The following PRKD1 variants were observed in gnomAD, a reference collection of about 807,000 sequenced individuals.
PRKD1 encodes the protein serine/threonine-protein kinase D1.
In PRKD1, 63 loss-of-function variants were observed where a neutral mutation model predicts 95.9. The ratio of observed to expected loss-of-function variants is 0.66; its 90% confidence interval spans 0.54 to 0.81. The LOEUF is 0.81. Among genes scored for constraint, PRKD1 ranks in the 30% least tolerant of loss-of-function variants. PRKD1 has a pLI of 0.00. For synonymous variants in PRKD1, 425 were observed against 423.1 expected (o/e 1.00, Z -0.05); for missense variants, 1,048 against 1,165.3 (o/e 0.90, Z 1.47).
chr14:29,621,314 C>T (rs938218640), intron 13 of PRKD1, among the ~76,000 whole-genome samples: 1 of 151,816 alleles, frequency 6.6e-6, no homozygotes, highest in African/African-American at 2.4e-5. Context: ...GCACATTATG[C>T]ACGTGTACCC....
At position 29,599,065 on chromosome 14, in the gene PRKD1, C is replaced by T. The variant is rs1187042305; in HGVS notation, c.2128G>A (p.Glu710Lys). The T allele has an allele frequency of 1.2e-6, 2 of 1,613,842 alleles. No homozygotes were observed. The highest frequency in any genetic ancestry group is 1.7e-6 in the Non-Finnish European group (2 of 1,179,804). ...TCAGCTGAGGCTAGCAACACATTTT[C>T]TGGTTTGAGGTCACAGTGAACGATA... ...KNIVHCDLKP[E>K]NVLLASADPF... The change falls in exon 15 of 18, where the codon GAA (glutamate) becomes AAA (lysine). Residue 710 changes from glutamate to lysine, a missense_variant. Around this residue, in one of 3 missense-constraint regions of PRKD1, gnomAD observed 739 missense variants for 861.9 expected, o/e 0.86. Transcript: ENST00000331968.
At chr14:29,776,763 A>C (rs1028466574) in intron 1 of PRKD1, among the ~76,000 whole-genome samples, 1 of 152,192 alleles carries the variant, frequency 6.6e-6, no homozygotes, top group Non-Finnish European at 1.5e-5. Flanking sequence ...AGCAAGGCAC[A>C]CCAACATTCA....
At chr14:29,645,461 T>C (rs73255549) in intron 4 of PRKD1, among the ~76,000 whole-genome samples, 3,388 of 152,226 alleles carry the variant, frequency 0.022, 113 homozygotes, top group African/African-American at 0.072. Context: ...TATGCAAAAA[T>C]AGATGCAAGC....
chr14:29,885,804 T>TAAAAAAAAAAAAAAAAA (rs759317394), intron 1 of PRKD1, among the ~76,000 whole-genome samples: 1 of 53,484 alleles, frequency 1.9e-5, no homozygotes, highest in East Asian at 7.4e-4. Context: ...CCATCTTTAC[T>TAAAAAAAAAAAAAAAAA]AAAAAAAAAA....
Position 29,636,485 on chromosome 14 carries a change from C to T in PRKD1, c.995G>A (p.Ser332Asn), listed in dbSNP as rs1594383376. Reference sequence around the variant, plus strand: ...GACCACATCAGACTCTGCCCCAGGGCTAAGCAAATCTAGAAAATTATTTTC... The same window carrying T: ...GACCACATCAGACTCTGCCCCAGGGTTAAGCAAATCTAGAAAATTATTTTC... ...GEVTINGDLL[S>N]PGAESDVVME... The change falls in exon 7 of 18, where the codon AGC (serine) becomes AAC (asparagine). Residue 332 changes from serine to asparagine, a missense_variant. By Grantham distance (46) the Ser-to-Asn change is conservative. Transcript: ENST00000331968. 2 of 1,613,938 alleles carry T rather than the reference C, an allele frequency of 1.2e-6. No individual in the cohort carries two copies. Among genetic ancestry groups the T allele is most frequent in the Admixed American group, 3.3e-5 (2 of 59,992 alleles).
chr14:29,901,469 TG>T (rs1223262343), intron 1 of PRKD1, among the ~76,000 whole-genome samples: 15 of 152,176 alleles, frequency 9.9e-5, no homozygotes, highest in Admixed American at 3.9e-4. Flanking sequence ...AACCTGCACA[TG>T]TACTCCTTAA....
At chr14:29,912,254 C>G (rs1428635438) in intron 1 of PRKD1, among the ~76,000 whole-genome samples, 1 of 152,022 alleles carries the variant, frequency 6.6e-6, no homozygotes, top group Non-Finnish European at 1.5e-5. Flanking sequence ...AGGATGTAGA[C>G]ATCTTGGAGG....
At chr14:29,783,778 C>T (rs928820374) in intron 1 of PRKD1, among the ~76,000 whole-genome samples, 1 of 152,040 alleles carries the variant, frequency 6.6e-6, no homozygotes, top group Non-Finnish European at 1.5e-5. Context: ...GTTGGCCATT[C>T]GTATGTCTTC....
intron 2 of PRKD1, among the ~76,000 whole-genome samples, chr14:29,683,717 T>A (rs1238526648): frequency 6.6e-6 from 1 of 152,194 alleles, no homozygotes; most frequent in Non-Finnish European, 1.5e-5. Flanking sequence ...TAGTACAATG[T>A]AACATTATTA....
At chr14:29,834,668 T>C (rs1891543051) in intron 1 of PRKD1, among the ~76,000 whole-genome samples, 1 of 152,138 alleles carries the variant, frequency 6.6e-6, no homozygotes, top group African/African-American at 2.4e-5. Context: ...GTAAGAGATA[T>C]ACTAAAATGC....
intron 1 of PRKD1, among the ~76,000 whole-genome samples, chr14:29,800,720 T>C (rs974250245): frequency 6.6e-6 from 1 of 152,176 alleles, no homozygotes; most frequent in East Asian, 1.9e-4. Flanking sequence ...TTTTTTGAAA[T>C]GAGTATCTTC....
intron 1 of PRKD1, among the ~76,000 whole-genome samples, chr14:29,803,346 A>G (rs1011458021): frequency 6.6e-6 from 1 of 152,176 alleles, no homozygotes; most frequent in African/African-American, 2.4e-5. Flanking sequence ...GTAAACTATG[A>G]CCATTTTGGG....
At chr14:29,838,769 T>G (rs540545876) in intron 1 of PRKD1, among the ~76,000 whole-genome samples, 1 of 152,310 alleles carries the variant, frequency 6.6e-6, no homozygotes, top group Non-Finnish European at 1.5e-5. Flanking sequence ...TTTCAAAATT[T>G]TTGCACCAAA....
rs952125152 is a variant in PRKD1, at chr14:29,773,861, C to T, written c.265-48187G>A. ...TGGACCATTTGTTAATAAAAATAAG[C>T]GATTATGATCAGTAGTGAGTGTGAC... On this transcript the variant is annotated intron_variant, in intron 1 of 17. Transcript: ENST00000331968. 8.5e-5 allele frequency among the ~76,000 whole-genome samples: 13 copies of T among 152,262 alleles called. No homozygotes were observed. In the East Asian group the frequency reaches 1.4e-3, roughly 16 times the overall value.
chr14:29,772,401 C>T (rs1888550433), intron 1 of PRKD1, among the ~76,000 whole-genome samples: 1 of 152,188 alleles, frequency 6.6e-6, no homozygotes, highest in Non-Finnish European at 1.5e-5. Context: ...CAAGCACTCA[C>T]TCAATTCCGA....
chr14:29,605,994 A>T (rs945139847), intron 13 of PRKD1, among the ~76,000 whole-genome samples: 1 of 152,114 alleles, frequency 6.6e-6, no homozygotes. Context: ...AAATATGATC[A>T]TAAGTAATGA....
intron 1 of PRKD1, among the ~76,000 whole-genome samples, chr14:29,886,954 TG>T (rs1167447080): frequency 6.6e-6 from 1 of 152,216 alleles, no homozygotes; most frequent in Non-Finnish European, 1.5e-5. Context: ...CAACACACAA[TG>T]ATTGACATTT....
At chr14:29,833,745 C>T (rs1891504356) in intron 1 of PRKD1, among the ~76,000 whole-genome samples, 1 of 152,030 alleles carries the variant, frequency 6.6e-6, no homozygotes, top group South Asian at 2.1e-4. Flanking sequence ...AATAACTTTA[C>T]TTTGGTTGAC....
chr14:29,760,505 G>T (rs1887928889), intron 1 of PRKD1, among the ~76,000 whole-genome samples: 2 of 151,870 alleles, frequency 1.3e-5, no homozygotes, highest in Admixed American at 6.6e-5. Context: ...ACAGGTTTGT[G>T]CTACCACCCT....
Sources: allele counts gnomAD v4.1 joint callset (sites outside exome capture counted in the v4.1 genomes callset), GRCh38; gene constraint gnomAD v4.1.1; regional missense constraint gnomAD v4.1.1; transcripts MANE v1.5; gene names NCBI Gene and HGNC (gene_info 2026-07-23, HGNC 2026-07-21).